The following ESR1 variants were observed in gnomAD, a reference collection of about 807,000 sequenced individuals.
The protein encoded by ESR1 is estrogen receptor 1, also known as estrogen receptor.
A neutral mutation model predicts 52.7 loss-of-function variants in ESR1; 12 were observed. That is an observed-to-expected ratio of 0.23 (90% CI 0.15 to 0.37). ESR1 has a LOEUF of 0.37. Ranked by LOEUF, ESR1 falls within the 10% of genes least tolerant of loss-of-function variation. The probability of loss-of-function intolerance (pLI) is 1.00; values close to 1 mark genes in which losing one functional copy is unlikely to be tolerated. For synonymous variants in ESR1, 305 were observed against 316.8 expected (o/e 0.96, Z 0.39); for missense variants, 584 against 779.7 (o/e 0.75, Z 2.99).
At chr6:152,071,845 A>C (rs1187860263) in intron 6 of ESR1, among the ~76,000 whole-genome samples, 2 of 152,154 alleles carry the variant, frequency 1.3e-5, no homozygotes, top group Admixed American at 1.3e-4. Flanking sequence ...TCTTTTGCTC[A>C]CTTTTCATTG....
At chr6:152,081,709 C>T (rs1293801427) in intron 6 of ESR1, among the ~76,000 whole-genome samples, 2 of 151,598 alleles carry the variant, frequency 1.3e-5, no homozygotes, top group African/African-American at 2.4e-5. Flanking sequence ...AAAAGATCAA[C>T]AAAATTGATA....
chr6:151,987,725 GT>G (rs2040627391), intron 4 of ESR1, among the ~76,000 whole-genome samples: 1 of 152,116 alleles, frequency 6.6e-6, no homozygotes, highest in Non-Finnish European at 1.5e-5. Context: ...AAGTCTTTGG[GT>G]GGTTGATGTC....
chr6:152,021,912 C>T (rs2043688716), intron 5 of ESR1, among the ~76,000 whole-genome samples: 1 of 152,162 alleles, frequency 6.6e-6, no homozygotes, highest in Non-Finnish European at 1.5e-5. Context: ...CTTTGCTCCT[C>T]CTTCATCTTC....
intron 2 of ESR1, among the ~76,000 whole-genome samples, chr6:151,703,351 G>A (rs1360162219): frequency 6.6e-6 from 1 of 152,168 alleles, no homozygotes; most frequent in Non-Finnish European, 1.5e-5. Context: ...GGCTGGAGGT[G>A]CATGTGGAAC....
intron 1 of ESR1, among the ~76,000 whole-genome samples, chr6:151,816,868 C>T (rs1452065839): frequency 6.6e-6 from 1 of 151,948 alleles, no homozygotes; most frequent in African/African-American, 2.4e-5. Flanking sequence ...ACAGTGAGAC[C>T]CTGTCTCTAC....
chr6:151,703,489 C>A (rs1779949404), intron 2 of ESR1, among the ~76,000 whole-genome samples: 1 of 152,108 alleles, frequency 6.6e-6, no homozygotes, highest in African/African-American at 2.4e-5. Context: ...AGAGTCTGAG[C>A]AGCTGTGAAT....
intron 4 of ESR1, among the ~76,000 whole-genome samples, chr6:151,955,681 A>G (rs1037040820): frequency 1.9e-4 from 29 of 152,196 alleles, no homozygotes. Context: ...TTCATTTAAC[A>G]GTTATTTGAT....
At chr6:151,863,124 G>C (rs927120780) in intron 2 of ESR1, among the ~76,000 whole-genome samples, 26 of 152,266 alleles carry the variant, frequency 1.7e-4, no homozygotes, top group African/African-American at 5.3e-4. Flanking sequence ...GCTTAGGATT[G>C]ACTTGGCAAT....
intron 6 of ESR1, among the ~76,000 whole-genome samples, chr6:152,074,772 T>C: frequency 6.6e-6 from 1 of 152,220 alleles, no homozygotes; most frequent in Middle Eastern, 3.2e-3. Context: ...ATGTTCTGGA[T>C]TTTGGCCATT....
chr6:151,719,045 C>T (rs765748700), intron 2 of ESR1, among the ~76,000 whole-genome samples: 3 of 152,172 alleles, frequency 2.0e-5, no homozygotes, highest in Non-Finnish European at 2.9e-5. Flanking sequence ...CCTTCATCTG[C>T]GATCTGGATA....
intron 2 of ESR1, among the ~76,000 whole-genome samples, chr6:151,770,201 G>C (rs1201356386): frequency 6.6e-6 from 1 of 152,110 alleles, no homozygotes; most frequent in East Asian, 1.9e-4. Context: ...CATTCTAGTA[G>C]ACCTAGACCT....
intron 5 of ESR1, among the ~76,000 whole-genome samples, chr6:152,032,092 C>G (rs553539735): frequency 2.7e-4 from 41 of 151,806 alleles, no homozygotes; most frequent in Admixed American, 6.6e-4. Flanking sequence ...ATTCAACAAC[C>G]CTTCATGCTA....
At chr6:151,837,827 G>T (rs1184693348) in intron 1 of ESR1, among the ~76,000 whole-genome samples, 2 of 152,114 alleles carry the variant, frequency 1.3e-5, no homozygotes, top group Non-Finnish European at 2.9e-5. Flanking sequence ...AATTTTACAA[G>T]GAAGGAGGTA....
intron 1 of ESR1, among the ~76,000 whole-genome samples, chr6:151,681,784 T>G (rs1032184716): frequency 3.3e-5 from 5 of 150,994 alleles, no homozygotes; most frequent in Non-Finnish European, 7.4e-5. Flanking sequence ...GGACGCGGGG[T>G]CCAGCTTGGG....
At chr6:151,721,587 T>A (rs1781466823) in intron 2 of ESR1, among the ~76,000 whole-genome samples, 1 of 152,206 alleles carries the variant, frequency 6.6e-6, no homozygotes, top group Non-Finnish European at 1.5e-5. Flanking sequence ...TTGCAAATCA[T>A]GGGACTAGAA....
rs9371233 is a variant in ESR1, at chr6:151,969,561, C to T, written c.1096+25053C>T. Among the ~76,000 whole-genome samples the T allele has an allele frequency of 1.3e-3, 194 of 152,312 alleles. No individual in the cohort carries two copies. In the East Asian group the frequency reaches 0.013, roughly 10 times the overall value. ...GGGCCAGCAGCAGGTGGTGGCATAACTTCTCCATTTGCAGTGCTGTGGCTG... is the reference window on the plus strand; with the variant it reads ...GGGCCAGCAGCAGGTGGTGGCATAATTTCTCCATTTGCAGTGCTGTGGCTG... On this transcript the variant is annotated intron_variant, in intron 4 of 7. Coordinates refer to ENST00000206249, the MANE Select transcript of ESR1 (RefSeq NM_000125.4).
intron 3 of ESR1, among the ~76,000 whole-genome samples, chr6:151,938,008 T>A (rs554065061): frequency 2.0e-5 from 3 of 152,248 alleles, no homozygotes. Context: ...CTTTATTTCA[T>A]TCTTAATGAA....
At chr6:152,110,720 A>G (rs539028361) in intron 6 of ESR1, among the ~76,000 whole-genome samples, 61 of 152,306 alleles carry the variant, frequency 4.0e-4, no homozygotes, top group African/African-American at 1.4e-3. Context: ...AAGCTTTCAC[A>G]TTTTCTGAGG....
intron 5 of ESR1, among the ~76,000 whole-genome samples, chr6:152,037,818 C>T (rs528612093): frequency 4.4e-4 from 67 of 152,184 alleles, no homozygotes; most frequent in Non-Finnish European, 8.5e-4. Context: ...AATCAAGACT[C>T]TTCACCCTGA....
Sources: gnomAD v4.1 joint callset for allele counts (sites outside exome capture counted in the v4.1 genomes callset) on GRCh38, gnomAD v4.1.1 for gene constraint, MANE v1.5 for transcripts, NCBI Gene and HGNC (gene_info 2026-07-23, HGNC 2026-07-21) for gene names.